The following ARHGAP39 variants were observed in gnomAD, a reference collection of about 807,000 sequenced individuals.
ARHGAP39 encodes Rho GTPase activating protein 39, also known as rho GTPase-activating protein 39.
A neutral mutation model predicts 106.9 loss-of-function variants in ARHGAP39; 44 were observed. The observed-to-expected ratio is 0.41, with a 90% CI of 0.32 to 0.53. The LOEUF (loss-of-function observed/expected upper bound fraction) is 0.53. Ranked by LOEUF, ARHGAP39 falls within the 20% of genes least tolerant of loss-of-function variation. The pLI, the probability that ARHGAP39 is intolerant of heterozygous loss-of-function variation, is 0.21. For synonymous variants in ARHGAP39, 768 were observed against 693.2 expected, an observed-to-expected ratio of 1.11 and a Z score of -1.69; for missense variants, 1,496 against 1,577.3, an observed-to-expected ratio of 0.95 and a Z score of 0.87.
chr8:144,612,731 A>G (rs1233577840), intron 1 of ARHGAP39, among the ~76,000 whole-genome samples: 4 of 147,244 alleles, frequency 2.7e-5, no homozygotes, highest in Admixed American at 1.3e-4. Flanking sequence ...CACTCCAGCC[A>G]GGGCGACAGA....
Position 144,670,859 on chromosome 8 carries a change from C to G in ARHGAP39, c.-82+14827G>C, listed in dbSNP as rs1165510179. Among the ~76,000 whole-genome samples, 2 of 152,222 alleles carry G rather than the reference C, an allele frequency of 1.3e-5. No homozygotes were observed. The highest frequency in any genetic ancestry group is 2.9e-5 in the Non-Finnish European group (2 of 68,040). The stretch of plus-strand genomic sequence containing the variant: ...GCTTCAAGAGACAAACGCTTTACCC[C>G]TGCACTGCCAGCCCCGAGCACCACT... On this transcript the variant is annotated intron_variant, in intron 1 of 11. Coordinates refer to ENST00000377307, the MANE Select transcript of ARHGAP39 (RefSeq NM_025251.3). The surrounding 1 kb of genome is among the most constrained non-coding windows in gnomAD (Gnocchi z 4.4).
chr8:144,542,517 G>A (rs969597005), intron 6 of ARHGAP39, among the ~76,000 whole-genome samples: 31 of 152,298 alleles, frequency 2.0e-4, no homozygotes, highest in Middle Eastern at 3.4e-3. Flanking sequence ...AGCCTAGCTG[G>A]CCCTCCACAG....
At chr8:144,668,830 T>C (rs892245724) in intron 1 of ARHGAP39, among the ~76,000 whole-genome samples, 15 of 151,714 alleles carry the variant, frequency 9.9e-5, no homozygotes, top group Non-Finnish European at 1.6e-4. Context: ...CAGGCTGAAG[T>C]TCATATGGAA....
chr8:144,531,129 G>A lies in ARHGAP39; in HGVS notation c.2981-258C>T, dbSNP rs183029811. Among the ~76,000 whole-genome samples, 42 of 152,374 alleles carry A rather than the reference G, an allele frequency of 2.8e-4. No homozygotes were observed. In the East Asian group the frequency reaches 7.7e-3, roughly 28 times the overall value. The stretch of plus-strand genomic sequence containing the variant: ...CAAAACAGGATTTTTCTCAGGAGTC[G>A]TCTGTGTAGCCACCGTGAGGGGGTG... On this transcript the variant is annotated intron_variant, in intron 10 of 11. Transcript: ENST00000377307.
rs139240824 is a variant in ARHGAP39 at position 144,574,184 on chromosome 8, T to TGAG, written c.512+6659_512+6661dup. 8.0e-5 allele frequency among the ~76,000 whole-genome samples: 11 copies of TGAG among 137,440 alleles called. No homozygotes were observed. The East Asian group carries it at 1.3e-3, about 16-fold the overall frequency. The allele number at this position is 137,440 out of a possible 152,430, so 90.2% of individuals were successfully genotyped here. A position where few individuals can be genotyped will look rare whatever the true frequency, so the allele number is the denominator to read the frequency against. On this transcript the variant is annotated intron_variant, in intron 3 of 11. Coordinates refer to ENST00000377307, the MANE Select transcript of ARHGAP39 (RefSeq NM_025251.3). Reference sequence around the variant, plus strand: ...AAAAAAAAAGGGAAGAAGATGAAGATGAGGAGGAGGAGGAGGAGGGGGAAG... The same window carrying TGAG: ...AAAAAAAAAGGGAAGAAGATGAAGATGAGGAGGAGGAGGAGGAGGAGGGGGAAG...
rs1159472194 is a variant in ARHGAP39 at position 144,585,540 on chromosome 8, C to T, written c.81-4263G>A. ...AGGGCAACTCTCCCTGGAGACAACC[C>T]TTGGCCTCAGCCCATGATACAAAGT... On this transcript the variant is annotated intron_variant, in intron 2 of 11. Coordinates refer to ENST00000377307, the MANE Select transcript of ARHGAP39 (RefSeq NM_025251.3). This position sits in a 1 kb window ranked among gnomAD's most constrained non-coding sequence, Gnocchi z 4.6. Among the ~76,000 whole-genome samples, 2 of 152,092 alleles carry T rather than the reference C, an allele frequency of 1.3e-5. No individual in the cohort carries two copies. The highest frequency in any genetic ancestry group is 3.9e-4 in the East Asian group (2 of 5,172).
At chr8:144,654,930 C>T (rs1430906811) in intron 1 of ARHGAP39, among the ~76,000 whole-genome samples, 1 of 152,140 alleles carries the variant, frequency 6.6e-6, no homozygotes, top group Non-Finnish European at 1.5e-5. Flanking sequence ...GCAGGAGCCC[C>T]ACCCCAATGG....
intron 1 of ARHGAP39, among the ~76,000 whole-genome samples, chr8:144,614,332 T>C (rs1820576210): frequency 6.6e-6 from 1 of 152,050 alleles, no homozygotes; most frequent in Non-Finnish European, 1.5e-5. Context: ...GAAAGCTGCA[T>C]ATTTTTTGTG....
intron 3 of ARHGAP39, among the ~76,000 whole-genome samples, chr8:144,577,328 C>T (rs925468952): frequency 5.9e-5 from 9 of 152,130 alleles, no homozygotes; most frequent in Non-Finnish European, 1.2e-4. Context: ...GACAGATAGA[C>T]TGAAGGAGAG....
chr8:144,616,469 C>T (rs1051825116), intron 1 of ARHGAP39, among the ~76,000 whole-genome samples: 8 of 152,342 alleles, frequency 5.3e-5, no homozygotes, highest in Admixed American at 1.3e-4. Flanking sequence ...GACCCCTCCT[C>T]GGAGCCTGCT....
intron 1 of ARHGAP39, among the ~76,000 whole-genome samples, 84 bp downstream of exon 1, chr8:144,685,602 G>A (rs1822568290): frequency 6.7e-6 from 1 of 148,894 alleles, no homozygotes; most frequent in Admixed American, 6.7e-5. Context: ...CCGAGGCTGG[G>A]CCAGGACCAC....
intron 1 of ARHGAP39, among the ~76,000 whole-genome samples, chr8:144,607,553 A>G (rs888454131): frequency 1.3e-5 from 2 of 152,180 alleles, no homozygotes; most frequent in Admixed American, 1.3e-4. Flanking sequence ...CCCAGCTGGT[A>G]TCAGTACAGC....
intron 1 of ARHGAP39, among the ~76,000 whole-genome samples, chr8:144,677,061 C>G (rs1443169780): frequency 1.3e-5 from 2 of 152,230 alleles, no homozygotes; most frequent in Non-Finnish European, 2.9e-5. Context: ...AGCCACCGTG[C>G]CTGGCCTGCA....
At chr8:144,559,534 T>C (rs1818068851) in intron 3 of ARHGAP39, among the ~76,000 whole-genome samples, 1 of 152,194 alleles carries the variant, frequency 6.6e-6, no homozygotes, top group Admixed American at 6.6e-5. Context: ...CAATCGTGTG[T>C]CTGAGGACAG....
At chr8:144,557,542 G>C (rs1159330958) in intron 3 of ARHGAP39, among the ~76,000 whole-genome samples, 20 of 149,610 alleles carry the variant, frequency 1.3e-4, no homozygotes, top group Admixed American at 1.2e-3. Context: ...ATCGTATTCA[G>C]AGGCAAAGGC....
chr8:144,664,633 G>A (rs1821914053), intron 1 of ARHGAP39, among the ~76,000 whole-genome samples: 1 of 152,162 alleles, frequency 6.6e-6, no homozygotes, highest in Non-Finnish European at 1.5e-5. Flanking sequence ...TGAATCACGG[G>A]GGCTGGTCTT....
chr8:144,631,095 C>G (rs528950951), intron 1 of ARHGAP39, among the ~76,000 whole-genome samples: 1 of 152,186 alleles, frequency 6.6e-6, no homozygotes, highest in Admixed American at 6.5e-5. Context: ...CTGCTGCCCA[C>G]GTTTAAATGA....
At chr8:144,614,446 G>A (rs565075559) in intron 1 of ARHGAP39, among the ~76,000 whole-genome samples, 20 of 151,224 alleles carry the variant, frequency 1.3e-4, no homozygotes, top group South Asian at 2.1e-4. Flanking sequence ...TCCGCCTCCC[G>A]GGTTCAAGTG....
rs1354866821 is a variant in ARHGAP39 at position 144,684,375 on chromosome 8, A to T, written c.-82+1311T>A. ...CGACGGAACCACCTGCTGTCTATAG[A>T]GGGCACCTAGGACGCAGCGTCCAAT... On this transcript the variant is annotated intron_variant, in intron 1 of 11. Coordinates refer to ENST00000377307, the MANE Select transcript of ARHGAP39 (RefSeq NM_025251.3). This position sits in a 1 kb window ranked among gnomAD's most constrained non-coding sequence, Gnocchi z 4.4. Among the ~76,000 whole-genome samples the T allele has an allele frequency of 6.6e-6, 1 of 152,208 alleles. No individual in the cohort carries two copies. The highest frequency in any genetic ancestry group is 1.5e-5 in the Non-Finnish European group (1 of 68,030).
Sources: allele counts gnomAD v4.1 joint callset (sites outside exome capture counted in the v4.1 genomes callset), GRCh38; gene constraint gnomAD v4.1.1; non-coding constraint Gnocchi (gnomAD v3.1); transcripts MANE v1.5; gene names NCBI Gene and HGNC (gene_info 2026-07-23, HGNC 2026-07-21).